Variants in ABCD3 observed in about 807,000 individuals in gnomAD.
ABCD3 encodes ATP binding cassette subfamily D member 3.
A neutral mutation model predicts 105.5 loss-of-function variants in ABCD3; 41 were observed. The ratio of observed to expected loss-of-function variants is 0.39; its 90% CI spans 0.30 to 0.50. ABCD3 has a LOEUF of 0.50. Among genes scored for constraint, ABCD3 ranks in the 20% least tolerant of loss-of-function variants. The probability of loss-of-function intolerance (pLI) is 0.84; values close to 1 mark genes in which losing one functional copy is unlikely to be tolerated. For missense variants in ABCD3, 622 were observed against 806.3 expected, an observed-to-expected ratio of 0.77 and a Z score of 2.77; for synonymous variants, 258 against 269.0, an observed-to-expected ratio of 0.96 and a Z score of 0.40.
At chr1:94,395,990 C>T in the ABCD3 span, among the ~76,000 whole-genome samples, 15 of 152,218 alleles carry the variant, frequency 9.9e-5, no homozygotes, top group African/African-American at 3.4e-4. Context: ...ATCTTTAAAC[C>T]TGGAAACCAG....
chr1:94,491,148 TTAAAG>T (rs1264179312), intron 15 of ABCD3, 31 bp from the exon 16 acceptor site: 3 of 1,471,822 alleles, frequency 2.0e-6, no homozygotes, highest in Non-Finnish European at 2.8e-6. Context: ...CTTATATACT[TTAAAG>T]TAATTCTCTT....
the ABCD3 span, among the ~76,000 whole-genome samples, chr1:94,401,701 G>A: frequency 6.6e-6 from 1 of 152,122 alleles, no homozygotes; most frequent in East Asian, 1.9e-4. Context: ...AAATTCCAGG[G>A]ATGTTTAAGT....
At chr1:94,483,783 A>G (rs918872617) in intron 10 of ABCD3, among the ~76,000 whole-genome samples, 10 of 152,294 alleles carry the variant, frequency 6.6e-5, no homozygotes, top group African/African-American at 2.4e-4. Context: ...AAAAGCCAAA[A>G]TTGACAAATG....
intron 1 of ABCD3, among the ~76,000 whole-genome samples, chr1:94,434,675 A>G (rs1423400250): frequency 6.6e-6 from 1 of 152,236 alleles, no homozygotes; most frequent in Non-Finnish European, 1.5e-5. Flanking sequence ...GCAATACTCT[A>G]AGAGTTAAGG....
chr1:94,390,764 T>C, the ABCD3 span, among the ~76,000 whole-genome samples: 1 of 152,210 alleles, frequency 6.6e-6, no homozygotes, highest in Non-Finnish European at 1.5e-5. Context: ...ATATGAAGGT[T>C]CTGCCAGTTA....
the ABCD3 span, among the ~76,000 whole-genome samples, chr1:94,409,194 T>A: frequency 6.6e-6 from 1 of 152,190 alleles, no homozygotes; most frequent in Non-Finnish European, 1.5e-5. Context: ...AATTTAATTG[T>A]ACATTTGAAA....
Position 94,498,805 on chromosome 1 carries a change from G to A in ABCD3, c.1487G>A (p.Arg496His), listed in dbSNP as rs956037551. ...LGELWPLFGGRLTKPERGKLF... is the reference protein window; with the variant it reads ...LGELWPLFGGHLTKPERGKLF... ...TAGTTATGGCCTCTTTTTGGAGGAC[G>A]TCTAACTAAACCTGAAAGAGGAAAA... Residue 496 changes from arginine to histidine, a missense_variant, in exon 18 of 23, where the codon CGT (arginine) becomes CAT (histidine). Transcript: ENST00000370214. 1.3e-5 allele frequency: 21 copies of A among 1,613,552 alleles called. No homozygotes were observed. The highest frequency in any genetic ancestry group is 2.7e-5 in the African/African-American group (2 of 74,842).
chr1:94,475,005 CAG>C (rs1002826241), intron 5 of ABCD3, 136 bp from the exon 6 acceptor site: 8 of 617,806 alleles, frequency 1.3e-5, no homozygotes, highest in South Asian at 4.1e-5. Context: ...TAAAGTAAAA[CAG>C]AACTGAATTA....
At chr1:94,468,096 C>T (rs933394138) in intron 4 of ABCD3, 89 bp downstream of exon 4, 1 of 953,832 alleles carries the variant, frequency 1.0e-6, no homozygotes, top group African/African-American at 1.6e-5. Context: ...CAAATAGATT[C>T]TAAGTTAGGT....
At chr1:94,414,391 A>G (rs1658962896), upstream of ABCD3, among the ~76,000 whole-genome samples, 1 of 152,196 alleles carries the variant, frequency 6.6e-6, no homozygotes, top group African/African-American at 2.4e-5. Context: ...GTGAATCCAC[A>G]AAGTCATTTT....
At chr1:94,508,048 A>G (rs1463523444) in intron 21 of ABCD3, among the ~76,000 whole-genome samples, 1 of 150,034 alleles carries the variant, frequency 6.7e-6, no homozygotes, top group Non-Finnish European at 1.5e-5. Flanking sequence ...TTGGTGTTTT[A>G]GACATGAAGT....
At chr1:94,474,331 T>A (rs1454423130) in intron 5 of ABCD3, among the ~76,000 whole-genome samples, 1 of 152,096 alleles carries the variant, frequency 6.6e-6, no homozygotes, top group Non-Finnish European at 1.5e-5. Flanking sequence ...TAATTTACTT[T>A]AAGTTAAATT....
rs771875893 is a variant in ABCD3 at position 94,480,456 on chromosome 1, A to G, written c.685-8A>G. On this transcript the variant is annotated splice_polypyrimidine_tract_variant and splice_region_variant and intron_variant, in intron 8 of 22. Coordinates refer to ENST00000370214, the MANE Select transcript of ABCD3 (RefSeq NM_002858.4). The stretch of plus-strand genomic sequence containing the variant: ...ACTTTGTGTATCTTTCTCTCCCAAT[A>G]ATAATAGGGCCCAGCGAGCATGATG... 10 of 1,613,608 alleles carry G rather than the reference A, an allele frequency of 6.2e-6. No individual in the cohort carries two copies. Among genetic ancestry groups the G allele is most frequent in the African/African-American group, 1.3e-5 (1 of 74,884 alleles).
intron 20 of ABCD3, among the ~76,000 whole-genome samples, chr1:94,506,039 G>A (rs773623888): frequency 2.0e-5 from 3 of 152,220 alleles, no homozygotes; most frequent in Middle Eastern, 3.4e-3. Context: ...TATAAAATTA[G>A]CAAAGGCTTA....
At chr1:94,400,409 A>G in the ABCD3 span, among the ~76,000 whole-genome samples, 10 of 152,082 alleles carry the variant, frequency 6.6e-5, no homozygotes, top group African/African-American at 2.4e-4. Context: ...GTCTCGAAAA[A>G]AAAAAAAAGA....
chr1:94,400,986 C>T, the ABCD3 span, among the ~76,000 whole-genome samples: 5 of 152,124 alleles, frequency 3.3e-5, no homozygotes, highest in Non-Finnish European at 5.9e-5. Flanking sequence ...GTGGCTAGCA[C>T]GTGAGTATGC....
chr1:94,387,453 T>C, the ABCD3 span, among the ~76,000 whole-genome samples: 1 of 152,118 alleles, frequency 6.6e-6, no homozygotes, highest in African/African-American at 2.4e-5. Context: ...CTCTCTCCTC[T>C]CTCCATATTT....
intron 21 of ABCD3, chr1:94,513,811 ATATCT>A (rs1447892732): frequency 1.3e-5 from 2 of 152,046 alleles, no homozygotes; most frequent in African/African-American, 4.8e-5. Flanking sequence ...CAGAGAAATA[ATATCT>A]TAAATGAGCT....
intron 21 of ABCD3, among the ~76,000 whole-genome samples, chr1:94,508,329 C>T (rs943611393): frequency 3.2e-4 from 48 of 152,224 alleles, no homozygotes; most frequent in Non-Finnish European, 5.7e-4. Context: ...TCTGAGGGCT[C>T]TGTTCTGTTC....
Sources: gnomAD v4.1 joint callset for allele counts (sites outside exome capture counted in the v4.1 genomes callset) on GRCh38, gnomAD v4.1.1 for gene constraint, MANE v1.5 for transcripts, NCBI Gene and HGNC (gene_info 2026-07-23, HGNC 2026-07-21) for gene names.